EHD3: variants seen among roughly 807,000 people sequenced by gnomAD.
EHD3 encodes EH domain-containing protein 3.
EHD3 carries 17 observed loss-of-function variants against 43.0 expected under a neutral mutation model. The observed-to-expected ratio is 0.40, with a 90% CI of 0.27 to 0.59. The LOEUF (loss-of-function observed/expected upper bound fraction) is 0.59, where lower values mean the gene tolerates loss of function less well. Among genes scored for constraint, EHD3 ranks in the 20% least tolerant of loss-of-function variants. EHD3 has a pLI of 0.49. For synonymous variants in EHD3, 313 were observed against 289.5 expected, an observed-to-expected ratio of 1.08 and a Z score of -0.82; for missense variants, 594 against 705.6, an observed-to-expected ratio of 0.84 and a Z score of 1.79.
At chr2:31,252,120 C>T (rs1683646915) in intron 3 of EHD3, among the ~76,000 whole-genome samples, 1 of 152,186 alleles carries the variant, frequency 6.6e-6, no homozygotes, top group Non-Finnish European at 1.5e-5. Context: ...GAGTTCTGGG[C>T]TTTAGAACCT....
Position 31,244,282 on chromosome 2 carries a change from T to C in EHD3, c.236T>C (p.Leu79Pro). ...TGKTTFIRYL[L>P]EQDFPGMRIG... Reference sequence around the variant, plus strand: ...GTGCTTCTTCCTGCTAGGTACCTGCTGGAACAGGACTTCCCAGGCATGAGG... The same window carrying C: ...GTGCTTCTTCCTGCTAGGTACCTGCCGGAACAGGACTTCCCAGGCATGAGG... The change falls in exon 2 of 6, where the codon CTG becomes CCG. Residue 79 changes from leucine to proline, a missense_variant. By Grantham distance (98) the Leu-to-Pro change is moderately conservative. Coordinates refer to ENST00000322054, the MANE Select transcript of EHD3 (RefSeq NM_014600.3). 1.2e-6 allele frequency: 2 copies of C among 1,613,336 alleles called. No individual in the cohort carries two copies. Among genetic ancestry groups the C allele is most frequent in the Non-Finnish European group, 1.7e-6 (2 of 1,179,428 alleles).
At chr2:31,235,969 A>C (rs1238184614) in intron 1 of EHD3, among the ~76,000 whole-genome samples, 5 of 152,238 alleles carry the variant, frequency 3.3e-5, no homozygotes, top group Non-Finnish European at 5.9e-5. Context: ...CCCAAAGTCA[A>C]GTGTGCTCAT....
At chr2:31,235,025 C>T (rs898718304) in intron 1 of EHD3, among the ~76,000 whole-genome samples, 177 bp downstream of exon 1, 1 of 152,064 alleles carries the variant, frequency 6.6e-6, no homozygotes, top group Non-Finnish European at 1.5e-5. Flanking sequence ...TGCTGGTCCC[C>T]CTTCCCATCC....
At chr2:31,243,894 C>T (rs1683471781) in intron 1 of EHD3, among the ~76,000 whole-genome samples, 1 of 152,096 alleles carries the variant, frequency 6.6e-6, no homozygotes, top group Non-Finnish European at 1.5e-5. Flanking sequence ...TAGTTCTAAC[C>T]ATGCCTTTGT....
intron 2 of EHD3, among the ~76,000 whole-genome samples, chr2:31,244,805 G>A (rs1035287108): frequency 1.3e-5 from 2 of 152,206 alleles, no homozygotes; most frequent in Non-Finnish European, 2.9e-5. Context: ...CATCCAACTG[G>A]AAGGAGGCAG....
Position 31,234,252 on chromosome 2 carries a change from A to T in EHD3, c.-370A>T. ...GCGGAGCCGAAGCATCCCTTGCTGCACGCAGGGCAGAGCAGGCGAGGGCTG... is the reference window on the plus strand; with the variant it reads ...GCGGAGCCGAAGCATCCCTTGCTGCTCGCAGGGCAGAGCAGGCGAGGGCTG... On this transcript the variant is annotated 5_prime_UTR_variant, in exon 1 of 6. Transcript: ENST00000322054. The T allele has an allele frequency of 3.3e-6, 1 of 305,132 alleles. No homozygotes were observed. The highest frequency in any genetic ancestry group is 6.3e-6 in the Non-Finnish European group (1 of 159,516). 18.9% of individuals were successfully genotyped at this position (305,132 alleles called of 1,614,324 possible). A position where few individuals can be genotyped will look rare whatever the true frequency, so the allele number is the denominator to read the frequency against.
intron 3 of EHD3, among the ~76,000 whole-genome samples, chr2:31,253,734 G>T (rs752504672): frequency 6.6e-6 from 1 of 152,192 alleles, no homozygotes; most frequent in African/African-American, 2.4e-5. Flanking sequence ...GGGGCGGGGT[G>T]TGTCTTGTGG....
chr2:31,239,763 G>A (rs1173548400), intron 1 of EHD3, among the ~76,000 whole-genome samples: 2 of 152,186 alleles, frequency 1.3e-5, no homozygotes, highest in Non-Finnish European at 1.5e-5. Flanking sequence ...GGGTGGGGAG[G>A]GGGAGGCAGA....
At chr2:31,262,883 T>G (rs1185515829) in intron 5 of EHD3, among the ~76,000 whole-genome samples, 1 of 121,274 alleles carries the variant, frequency 8.2e-6, no homozygotes, top group Non-Finnish European at 1.8e-5. Flanking sequence ...CCACTGCACT[T>G]TAGCCTGGGC....
intron 1 of EHD3, among the ~76,000 whole-genome samples, chr2:31,239,328 C>T (rs1683375972): frequency 6.6e-6 from 1 of 152,162 alleles, no homozygotes; most frequent in Non-Finnish European, 1.5e-5. Flanking sequence ...TGTCCTTTGT[C>T]TGATAGGGTT....
rs376069300 is a variant in EHD3 at position 31,255,885 on chromosome 2, A to G, written c.503-4625A>G. On this transcript the variant is annotated intron_variant, in intron 3 of 5. Transcript: ENST00000322054. ...AGGCAGAGGCAGACTTCACACAGGC[A>G]TCCCCGAGGCCTGTAAGACAGCAGC... Among the ~76,000 whole-genome samples the G allele has an allele frequency of 7.9e-5, 12 of 152,324 alleles. No homozygotes were observed. In the East Asian group the frequency reaches 2.3e-3, roughly 29 times the overall value.
chr2:31,253,433 T>C (rs1357684688), intron 3 of EHD3, among the ~76,000 whole-genome samples: 1 of 152,184 alleles, frequency 6.6e-6, no homozygotes, highest in African/African-American at 2.4e-5. Context: ...GGGATAGTCC[T>C]GCCAACTATG....
Position 31,234,478 on chromosome 2 carries a change from G to A in EHD3, c.-144G>A. On this transcript the variant is annotated 5_prime_UTR_variant, in exon 1 of 6. Transcript: ENST00000322054. The stretch of plus-strand genomic sequence containing the variant: ...GCGCTCCCGGCCCTCCTAGCCGCGT[G>A]CCCGGGCCATGGTGCGGCTGAGCCC... 2.3e-6 allele frequency: 2 copies of A among 884,572 alleles called. No individual in the cohort carries two copies. Among genetic ancestry groups the A allele is most frequent in the South Asian group, 1.7e-5 (1 of 58,370 alleles). The allele number at this position is 884,572 out of a possible 1,614,324, so 54.8% of individuals were successfully genotyped here.
rs774986651 is a variant in EHD3 at position 31,234,681 on chromosome 2, GGTGA to G, written c.66_69del (p.Ser22ArgfsTer64). ...GGAAGGACCCCGAGGTTTTCCAGACGGTGAGTGAGGGGCTCAAGAAACTCTACAA... is the reference window on the plus strand; with the variant it reads ...GGAAGGACCCCGAGGTTTTCCAGACGGTGAGGGGCTCAAGAAACTCTACAA... On this transcript the variant is annotated frameshift_variant, in exon 1 of 6. Transcript: ENST00000322054. LOFTEE classifies it high-confidence loss of function. The G allele has an allele frequency of 1.2e-6, 2 of 1,614,214 alleles. No homozygotes were observed. The highest frequency in any genetic ancestry group is 3.3e-5 in the Admixed American group (2 of 60,036).
In EHD3 at chr2:31,263,256, TTTG is replaced by T. The variant is rs1416500115; in HGVS notation, c.1080+1546_1080+1548del. On this transcript the variant is annotated intron_variant, in intron 5 of 5. Transcript: ENST00000322054. Reference sequence around the variant, plus strand: ...AGCACTTCAGCTCTTCGCTTCTGCTTTTGTTAAGAATTTAATGATTTGTAAGCA... The same window carrying T: ...AGCACTTCAGCTCTTCGCTTCTGCTTTTAAGAATTTAATGATTTGTAAGCA... 4.6e-5 allele frequency among the ~76,000 whole-genome samples: 7 copies of T among 152,350 alleles called. No homozygotes were observed. In the South Asian group the frequency reaches 1.5e-3, roughly 32 times the overall value.
Position 31,266,784 on chromosome 2 carries a change from AC to A in EHD3, c.*81del. ...ACTACACACACACACACACACACAC[AC>A]ACACACACAAACATGCACACACACA... On this transcript the variant is annotated 3_prime_UTR_variant, in exon 6 of 6. Coordinates refer to ENST00000322054, the MANE Select transcript of EHD3 (RefSeq NM_014600.3). The surrounding 1 kb of genome is among the most constrained non-coding windows in gnomAD (Gnocchi z 5.1). 2.8e-6 allele frequency: 4 copies of A among 1,409,084 alleles called. No homozygotes were observed. The highest frequency in any genetic ancestry group is 1.4e-5 in the African/African-American group (1 of 70,948). The allele number at this position is 1,409,084 out of a possible 1,614,324, so 87.3% of individuals were successfully genotyped here. A position where few individuals can be genotyped will look rare whatever the true frequency, so the allele number is the denominator to read the frequency against.
chr2:31,263,971 A>C (rs942516634), intron 5 of EHD3, among the ~76,000 whole-genome samples: 2 of 152,222 alleles, frequency 1.3e-5, no homozygotes, highest in Non-Finnish European at 2.9e-5. Flanking sequence ...TGTGAAGGCA[A>C]GAGGAGCTCT....
chr2:31,244,172 C>A, intron 1 of EHD3, 102 bp from the exon 2 acceptor site: 1 of 1,181,882 alleles, frequency 8.5e-7, no homozygotes, highest in Non-Finnish European at 1.1e-6. Flanking sequence ...TGCGGTGGCC[C>A]TGCCCTCCCC....
intron 1 of EHD3, among the ~76,000 whole-genome samples, chr2:31,239,248 G>GCAAA (rs1683375092): frequency 6.6e-6 from 1 of 152,174 alleles, no homozygotes; most frequent in Admixed American, 6.5e-5. Context: ...CCCACTCACT[G>GCAAA]CAAAGTCCAT....
Sources: gnomAD v4.1 joint callset for allele counts (sites outside exome capture counted in the v4.1 genomes callset) on GRCh38, gnomAD v4.1.1 for gene constraint, Gnocchi (gnomAD v3.1) non-coding constraint, MANE v1.5 for transcripts, NCBI Gene and HGNC (gene_info 2026-07-23, HGNC 2026-07-21) for gene names.